Variants in ADAMTS20 observed in about 807,000 individuals in gnomAD.
The protein encoded by ADAMTS20 is ADAM metallopeptidase with thrombospondin type 1 motif 20, also known as A disintegrin and metalloproteinase with thrombospondin motifs 20.
In ADAMTS20, 225 loss-of-function variants were observed where a neutral mutation model predicts 260.1. That is an observed-to-expected ratio of 0.87 (90% confidence interval 0.78 to 0.97). The LOEUF (loss-of-function observed/expected upper bound fraction) is 0.97, where lower values mean the gene tolerates loss of function less well. Among genes scored for constraint, ADAMTS20 ranks in the 50% least tolerant of loss-of-function variants. The pLI, the probability that ADAMTS20 is intolerant of heterozygous loss-of-function variation, is 0.00. For synonymous variants in ADAMTS20, 802 were observed against 769.5 expected (o/e 1.04, Z -0.70); for missense variants, 2,400 against 2,337.7 (o/e 1.03, Z -0.55).
chr12:43,354,660 TC>T (rs1939706604), intron 38 of ADAMTS20, among the ~76,000 whole-genome samples: 1 of 152,194 alleles, frequency 6.6e-6, no homozygotes, highest in East Asian at 1.9e-4. Context: ...CAATTTGCAA[TC>T]CAGTATTTAC....
chr12:43,428,953 A>C (rs1201206263), intron 24 of ADAMTS20, among the ~76,000 whole-genome samples, 154 bp from the exon 25 acceptor site: 1 of 152,194 alleles, frequency 6.6e-6, no homozygotes, highest in East Asian at 1.9e-4. Context: ...CTTCTGAGTC[A>C]AATAAAGATG....
intron 28 of ADAMTS20, among the ~76,000 whole-genome samples, chr12:43,401,975 C>T (rs1178708290): frequency 6.6e-6 from 1 of 151,908 alleles, no homozygotes; most frequent in Admixed American, 6.6e-5. Context: ...TTTACCTAGA[C>T]TAATCACTTC....
chr12:43,468,815 C>A, intron 7 of ADAMTS20, 110 bp from the exon 8 acceptor site: 2 of 608,770 alleles, frequency 3.3e-6, no homozygotes, highest in South Asian at 2.2e-5. Context: ...GAAAAGAATG[C>A]AGAATTGGCT....
At chr12:43,425,446 T>C (rs1941313417) in intron 28 of ADAMTS20, 68 bp downstream of exon 28, 11 of 1,273,472 alleles carry the variant, frequency 8.6e-6, no homozygotes, top group Non-Finnish European at 1.1e-5. Flanking sequence ...AGAAAAACAA[T>C]GAACTCTCCC....
intron 29 of ADAMTS20, among the ~76,000 whole-genome samples, chr12:43,398,474 A>T (rs1940747440): frequency 6.6e-6 from 1 of 152,108 alleles, no homozygotes; most frequent in Non-Finnish European, 1.5e-5. Context: ...AGCCTAGGCT[A>T]TCTATCTCTG....
intron 38 of ADAMTS20, among the ~76,000 whole-genome samples, chr12:43,354,755 A>G (rs913831327): frequency 2.0e-5 from 3 of 152,224 alleles, no homozygotes; most frequent in African/African-American, 7.2e-5. Context: ...TTTCTATCCC[A>G]TTTATTTCAA....
intron 12 of ADAMTS20, 136 bp from the exon 13 acceptor site, chr12:43,452,831 C>T: frequency 1.3e-6 from 1 of 779,624 alleles, no homozygotes; most frequent in East Asian, 2.8e-5. Context: ...AAGTATGTAA[C>T]ATGAGTTTTA....
intron 2 of ADAMTS20, among the ~76,000 whole-genome samples, chr12:43,550,574 T>A (rs1241672874): frequency 6.6e-6 from 1 of 152,172 alleles, no homozygotes; most frequent in Non-Finnish European, 1.5e-5. Flanking sequence ...AAAGGGTACA[T>A]CTGAGTCAAA....
At chr12:43,394,672 C>T (rs139268517) in intron 29 of ADAMTS20, among the ~76,000 whole-genome samples, 116 of 152,156 alleles carry the variant, frequency 7.6e-4, no homozygotes, top group Admixed American at 1.4e-3. Context: ...CTTCATGTGT[C>T]CTTCTTGGCC....
chr12:43,386,335 G>A (rs996695869), intron 29 of ADAMTS20, among the ~76,000 whole-genome samples: 2 of 152,102 alleles, frequency 1.3e-5, no homozygotes, highest in Non-Finnish European at 2.9e-5. Context: ...TGGCTTGTAG[G>A]GTTTCTGCAG....
At chr12:43,372,523 T>C (rs999958849) in intron 36 of ADAMTS20, among the ~76,000 whole-genome samples, 1 of 152,214 alleles carries the variant, frequency 6.6e-6, no homozygotes, top group African/African-American at 2.4e-5. Context: ...TAAGAAATTT[T>C]ACTATAAATG....
At chr12:43,484,921 T>C (rs1220775017) in intron 7 of ADAMTS20, among the ~76,000 whole-genome samples, 1 of 151,988 alleles carries the variant, frequency 6.6e-6, no homozygotes, top group Non-Finnish European at 1.5e-5. Flanking sequence ...AAAGTCAACA[T>C]GTAGGAAAGA....
chr12:43,504,220 C>G (rs370411199), intron 3 of ADAMTS20, among the ~76,000 whole-genome samples: 48 of 152,158 alleles, frequency 3.2e-4, no homozygotes, highest in African/African-American at 8.9e-4. Context: ...TCATCAGCAT[C>G]TATTATTTTT....
At chr12:43,490,567 A>G in intron 6 of ADAMTS20, 132 bp from the exon 7 acceptor site, 1 of 465,168 alleles carries the variant, frequency 2.1e-6, no homozygotes, top group South Asian at 3.4e-5. Context: ...GTTCACATTA[A>G]CCTCTCAAAA....
intron 28 of ADAMTS20, among the ~76,000 whole-genome samples, chr12:43,405,454 TAATAATAA>T (rs1471514644): frequency 7.6e-6 from 1 of 132,370 alleles, no homozygotes; most frequent in African/African-American, 2.7e-5. Flanking sequence ...ATAATAATAA[TAATAATAA>T]ATTAAATATT....
intron 29 of ADAMTS20, among the ~76,000 whole-genome samples, chr12:43,393,303 T>C (rs1940634393): frequency 6.6e-6 from 1 of 152,056 alleles, no homozygotes; most frequent in Admixed American, 6.6e-5. Context: ...TGTAAAGGCA[T>C]TGTGAAGCTG....
chr12:43,467,667 A>T (rs986562355), intron 8 of ADAMTS20, among the ~76,000 whole-genome samples: 1 of 152,062 alleles, frequency 6.6e-6, no homozygotes, highest in East Asian at 1.9e-4. Context: ...TACTGTCCTC[A>T]GATATTCTGT....
intron 31 of ADAMTS20, among the ~76,000 whole-genome samples, chr12:43,382,887 C>T (rs1050297277): frequency 2.0e-5 from 3 of 150,476 alleles, no homozygotes; most frequent in African/African-American, 7.5e-5. Flanking sequence ...AATGTAAAGA[C>T]ATCTATATAA....
At chr12:43,500,441 C>T (rs1942742400) in intron 4 of ADAMTS20, among the ~76,000 whole-genome samples, 1 of 152,146 alleles carries the variant, frequency 6.6e-6, no homozygotes, top group Non-Finnish European at 1.5e-5. Context: ...TCCTCCACAC[C>T]ATAGTTTTCA....
Sources: gnomAD v4.1 joint callset for allele counts (sites outside exome capture counted in the v4.1 genomes callset) on GRCh38, gnomAD v4.1.1 for gene constraint, MANE v1.5 for transcripts, NCBI Gene and HGNC (gene_info 2026-07-23, HGNC 2026-07-21) for gene names.